The following MAML3 variants were observed in gnomAD, a reference collection of about 807,000 sequenced individuals.
MAML3 encodes the protein mastermind-like protein 3.
MAML3 carries 27 observed loss-of-function variants against 101.9 expected under a neutral mutation model. That is an observed-to-expected ratio of 0.27 (90% confidence interval 0.20 to 0.37). MAML3 has a LOEUF of 0.37. MAML3 is among the 10% of genes least tolerant of loss of function. The pLI is 1.00. For missense variants in MAML3, 1,316 were observed against 1,444.9 expected (o/e 0.91, Z 1.45); for synonymous variants, 501 against 555.9 (o/e 0.90, Z 1.39).
chr4:140,090,165 C>T (rs543737715), intron 1 of MAML3, among the ~76,000 whole-genome samples: 4 of 152,262 alleles, frequency 2.6e-5, no homozygotes, highest in East Asian at 1.9e-4. Context: ...AAATAATTTG[C>T]GGTGTGTTTT....
At chr4:139,958,190 CTT>C (rs1193439401) in intron 1 of MAML3, among the ~76,000 whole-genome samples, 1 of 152,132 alleles carries the variant, frequency 6.6e-6, no homozygotes, top group Non-Finnish European at 1.5e-5. Flanking sequence ...TCCATTTCCT[CTT>C]TTTTGTGTTT....
chr4:139,951,467 G>T (rs1452372961), intron 1 of MAML3, among the ~76,000 whole-genome samples: 1 of 152,222 alleles, frequency 6.6e-6, no homozygotes, highest in Non-Finnish European at 1.5e-5. Flanking sequence ...GGCCTGGAGG[G>T]CAGGGAGCAC....
intron 1 of MAML3, among the ~76,000 whole-genome samples, chr4:139,983,546 A>G (rs1185780520): frequency 6.6e-6 from 1 of 152,152 alleles, no homozygotes; most frequent in Non-Finnish European, 1.5e-5. Flanking sequence ...TTTACCTTGT[A>G]TTTTGCTGGT....
Position 139,719,197 on chromosome 4 carries a change from C to T in MAML3, c.*126G>A. 1.8e-6 allele frequency: 2 copies of T among 1,092,720 alleles called. No individual in the cohort carries two copies. Among genetic ancestry groups the T allele is most frequent in the Non-Finnish European group, 2.5e-6 (2 of 788,828 alleles). 67.7% of individuals were successfully genotyped at this position (1,092,720 alleles called of 1,614,324 possible). On this transcript the variant is annotated 3_prime_UTR_variant, in exon 5 of 5. Transcript: ENST00000509479. ...GGCACCTGGATCTTCCATTGTCAGC[C>T]AGCTGCAGTTTTGCTCAGTTTACGT...
intron 1 of MAML3, among the ~76,000 whole-genome samples, chr4:140,027,100 T>C (rs1461729976): frequency 1.3e-5 from 2 of 152,070 alleles, no homozygotes; most frequent in East Asian, 3.9e-4. Context: ...AGCAGTGAGT[T>C]TGCACTGGCT....
At chr4:139,753,569 A>G (rs1378519556) in intron 2 of MAML3, among the ~76,000 whole-genome samples, 1 of 152,228 alleles carries the variant, frequency 6.6e-6, no homozygotes, top group African/African-American at 2.4e-5. Flanking sequence ...TACCATGAAA[A>G]TAAAATATAA....
intron 2 of MAML3, among the ~76,000 whole-genome samples, chr4:139,756,712 T>A (rs953365464): frequency 6.6e-6 from 1 of 152,228 alleles, no homozygotes; most frequent in African/African-American, 2.4e-5. Context: ...CTTTTTGCTC[T>A]GAATTGAGTT....
chr4:140,094,275 T>G (rs1728112458), intron 1 of MAML3, among the ~76,000 whole-genome samples: 1 of 152,210 alleles, frequency 6.6e-6, no homozygotes, highest in African/African-American at 2.4e-5. Context: ...CCAAAGTAAT[T>G]GTACACGTCA....
intron 1 of MAML3, among the ~76,000 whole-genome samples, chr4:139,983,332 T>G (rs1734480235): frequency 6.6e-6 from 1 of 152,200 alleles, no homozygotes; most frequent in Non-Finnish European, 1.5e-5. Flanking sequence ...TTTTATAGAA[T>G]GTCATAAAAA....
intron 1 of MAML3, among the ~76,000 whole-genome samples, chr4:139,994,614 T>G (rs1460330575): frequency 6.6e-6 from 1 of 152,082 alleles, no homozygotes; most frequent in Non-Finnish European, 1.5e-5. Flanking sequence ...GAGCTATGAT[T>G]GTGCCACTGC....
chr4:139,994,916 G>A (rs959277477), intron 1 of MAML3, among the ~76,000 whole-genome samples: 4 of 152,022 alleles, frequency 2.6e-5, no homozygotes, highest in African/African-American at 4.8e-5. Context: ...AGAACTTCTA[G>A]TATAATGTTA....
chr4:139,788,376 T>C (rs1430520179), intron 2 of MAML3, among the ~76,000 whole-genome samples: 1 of 152,244 alleles, frequency 6.6e-6, no homozygotes, highest in Non-Finnish European at 1.5e-5. Flanking sequence ...GTTTGCTAGA[T>C]GTTTTTTCAT....
At chr4:139,720,670 C>A (rs1049006599) in intron 4 of MAML3, among the ~76,000 whole-genome samples, 1 of 152,206 alleles carries the variant, frequency 6.6e-6, no homozygotes, top group Non-Finnish European at 1.5e-5. Context: ...CTAAACAGAT[C>A]CTGATGTAAT....
chr4:140,041,572 G>A (rs960804967), intron 1 of MAML3, among the ~76,000 whole-genome samples: 5 of 152,132 alleles, frequency 3.3e-5, no homozygotes, highest in Admixed American at 3.3e-4. Context: ...AGTGAGCCGA[G>A]ATCACGCCAC....
Position 139,735,471 on chromosome 4 carries a change from G to C in MAML3, c.2080-4804C>G, listed in dbSNP as rs536561386. On this transcript the variant is annotated intron_variant, in intron 2 of 4. Transcript: ENST00000509479. This position sits in a 1 kb window ranked among gnomAD's most constrained non-coding sequence, Gnocchi z 5.8. ...GGTAGGGGGGCAGTGGCGACCTCCG[G>C]GGGGGGAGGGTGGCGGACACCAGAC... Among the ~76,000 whole-genome samples the C allele has an allele frequency of 6.6e-6, 1 of 151,804 alleles. No individual in the cohort carries two copies. Among genetic ancestry groups the C allele is most frequent in the East Asian group, 2.0e-4 (1 of 5,070 alleles).
At chr4:140,077,156 A>G (rs1216263084) in intron 1 of MAML3, among the ~76,000 whole-genome samples, 2 of 152,186 alleles carry the variant, frequency 1.3e-5, no homozygotes, top group East Asian at 3.8e-4. Context: ...TGCTGGGATT[A>G]CAAGCATGAG....
intron 1 of MAML3, among the ~76,000 whole-genome samples, chr4:140,008,362 A>C (rs939214872): frequency 6.6e-6 from 1 of 152,156 alleles, no homozygotes; most frequent in East Asian, 1.9e-4. Context: ...AAAAAAAAAA[A>C]GAATCTTTAA....
Position 139,719,470 on chromosome 4 carries a change from C to A in MAML3, c.3270G>T (p.Gln1090His), listed in dbSNP as rs1210241641. Reference sequence around the variant, plus strand: ...CGCCACTGTAATTGTATGACACGTCCTGAGGGGCATTCCGCTCATAGGCTT... The same window carrying A: ...CGCCACTGTAATTGTATGACACGTCATGAGGGGCATTCCGCTCATAGGCTT... ...QSQAYERNAP[Q>H]DVSYNYSGDG... is the part of the protein sequence containing the mutation. Residue 1090 changes from glutamine to histidine, a missense_variant, in exon 5 of 5, where the codon CAG becomes CAT. Physicochemically the swap from Gln to His is conservative, Grantham distance 24. Coordinates refer to ENST00000509479, the MANE Select transcript of MAML3 (RefSeq NM_018717.5). The A allele has an allele frequency of 6.2e-7, 1 of 1,614,020 alleles. No individual in the cohort carries two copies. The highest frequency in any genetic ancestry group is 1.1e-5 in the South Asian group (1 of 91,082).
At chr4:139,952,472 C>A (rs1211626404) in intron 1 of MAML3, among the ~76,000 whole-genome samples, 1 of 152,128 alleles carries the variant, frequency 6.6e-6, no homozygotes, top group Non-Finnish European at 1.5e-5. Flanking sequence ...AGTTTATAGA[C>A]CACACCTGGG....
Sources: allele counts gnomAD v4.1 joint callset (sites outside exome capture counted in the v4.1 genomes callset), GRCh38; gene constraint gnomAD v4.1.1; non-coding constraint Gnocchi (gnomAD v3.1); transcripts MANE v1.5; gene names NCBI Gene and HGNC (gene_info 2026-07-23, HGNC 2026-07-21).